ZGPAT: variants seen among roughly 807,000 people sequenced by gnomAD.
ZGPAT encodes the protein zinc finger CCCH-type with G patch domain-containing protein.
ZGPAT carries 39 observed loss-of-function variants against 47.9 expected under a neutral mutation model. The ratio of observed to expected loss-of-function variants is 0.81; its 90% CI spans 0.63 to 1.06. The LOEUF is 1.06. Among genes scored for constraint, ZGPAT ranks in the 50% least tolerant of loss-of-function variants. The probability of loss-of-function intolerance (pLI) is 0.00; values close to 1 mark genes in which losing one functional copy is unlikely to be tolerated. For missense variants in ZGPAT, 717 were observed against 681.4 expected (o/e 1.05, Z -0.58); for synonymous variants, 348 against 292.9 (o/e 1.19, Z -1.92).
intron 2 of ZGPAT, among the ~76,000 whole-genome samples, chr20:63,717,636 G>A (rs1045569483): frequency 1.3e-5 from 2 of 152,128 alleles, no homozygotes; most frequent in African/African-American, 2.4e-5. Context: ...GCAGCGATGC[G>A]ATCATAGCTC....
At chr20:63,713,529 C>A (rs569525267) in intron 2 of ZGPAT, among the ~76,000 whole-genome samples, 2 of 150,948 alleles carry the variant, frequency 1.3e-5, no homozygotes, top group Non-Finnish European at 3.0e-5. Context: ...CTGTGCCCGG[C>A]TGGAGTTGTT....
At position 63,734,544 on chromosome 20, in the gene ZGPAT, C is replaced by G. The variant is rs1336920600; in HGVS notation, c.872-161C>G. ...GCACGGAGCCCAAGAGGTGGGGTGT[C>G]GTGGCTCTGCCCAGGATCTGAGCTC... On this transcript the variant is annotated intron_variant, in intron 4 of 6. Coordinates refer to ENST00000355969, the MANE Select transcript of ZGPAT (RefSeq NM_181485.3). 2.9e-6 allele frequency: 4 copies of G among 1,400,532 alleles called. No individual in the cohort carries two copies. The African/African-American group carries it at 5.8e-5, about 20-fold the overall frequency. The allele number at this position is 1,400,532 out of a possible 1,614,324, so 86.8% of individuals were successfully genotyped here.
At chr20:63,712,821 G>A (rs886479263) in intron 2 of ZGPAT, among the ~76,000 whole-genome samples, 2 of 152,012 alleles carry the variant, frequency 1.3e-5, no homozygotes, top group Admixed American at 1.3e-4. Context: ...GCTTGAACCT[G>A]GGAGGAGGAG....
At chr20:63,725,071 G>A (rs1486212334) in intron 2 of ZGPAT, among the ~76,000 whole-genome samples, 3 of 147,356 alleles carry the variant, frequency 2.0e-5, no homozygotes, top group Non-Finnish European at 3.0e-5. Flanking sequence ...TGCGAGCTCC[G>A]CCTCCCGGGT....
At position 63,734,793 on chromosome 20, in the gene ZGPAT, CCT is replaced by C. The variant is rs1220833329; in HGVS notation, c.962_963del (p.Leu321HisfsTer6). Reference sequence around the variant, plus strand: ...ACACGCGAGGTATAGGCTCCAGACTCCTCACCAAGATGGGCTATGAGTTTGGC... The same window carrying C: ...ACACGCGAGGTATAGGCTCCAGACTCCACCAAGATGGGCTATGAGTTTGGC... ...VHTRGIGSRLLTKMGYEFGKG... is the reference protein window; with the variant it reads ...VHTRGIGSRLXTKMGYEFGKG... On this transcript the variant is annotated frameshift_variant, in exon 5 of 7. Transcript: ENST00000355969. LOFTEE classifies it high-confidence loss of function. 1 of 1,608,216 alleles carries C rather than the reference CCT, an allele frequency of 6.2e-7. No individual in the cohort carries two copies. The highest frequency in any genetic ancestry group is 8.5e-7 in the Non-Finnish European group (1 of 1,177,140).
chr20:63,724,829 A>G (rs1332757452), intron 2 of ZGPAT, among the ~76,000 whole-genome samples: 2 of 150,632 alleles, frequency 1.3e-5, no homozygotes, highest in African/African-American at 4.9e-5. Context: ...ACCTGCCACC[A>G]CCCCCAGCCA....
At chr20:63,721,383 T>A (rs1448750657) in intron 2 of ZGPAT, among the ~76,000 whole-genome samples, 17 of 146,456 alleles carry the variant, frequency 1.2e-4, no homozygotes, top group African/African-American at 3.8e-4. Context: ...GGATAAAGAG[T>A]GTCTTCCATC....
chr20:63,716,548 G>A, intron 2 of ZGPAT, among the ~76,000 whole-genome samples: 1 of 145,956 alleles, frequency 6.9e-6, no homozygotes, highest in African/African-American at 2.5e-5. Flanking sequence ...GAGTCTCACT[G>A]TGTCACCCAG....
intron 2 of ZGPAT, among the ~76,000 whole-genome samples, chr20:63,724,475 A>G (rs2091823101): frequency 6.6e-6 from 1 of 152,026 alleles, no homozygotes. Context: ...TGAGGCCAGG[A>G]GTTCAACACC....
In ZGPAT at chr20:63,734,509, G is replaced by A. The variant is rs6089969; in HGVS notation, c.872-196G>A. 28 of 1,064,812 alleles carry A rather than the reference G, an allele frequency of 2.6e-5. No individual in the cohort carries two copies. The African/African-American group carries it at 3.6e-4, about 14-fold the overall frequency. 66.0% of individuals were successfully genotyped at this position (1,064,812 alleles called of 1,614,324 possible). On this transcript the variant is annotated intron_variant, in intron 4 of 6. Transcript: ENST00000355969. ...GGTGTCACATGCCCACAGCAGCCTCGGTGACGAGAGCACGGAGCCCAAGAG... is the reference window on the plus strand; with the variant it reads ...GGTGTCACATGCCCACAGCAGCCTCAGTGACGAGAGCACGGAGCCCAAGAG...
At chr20:63,712,493 T>C (rs2315007) in intron 2 of ZGPAT, among the ~76,000 whole-genome samples, 105,327 of 152,156 alleles carry the variant, frequency 0.69, 36,844 homozygotes, top group Middle Eastern at 0.74. Flanking sequence ...CAATTTCATA[T>C]GAATTTTAGG....
At chr20:63,715,202 G>T (rs2091713886) in intron 2 of ZGPAT, among the ~76,000 whole-genome samples, 1 of 151,554 alleles carries the variant, frequency 6.6e-6, no homozygotes, top group South Asian at 2.1e-4. Context: ...AAAGCGCTGG[G>T]ATTATAGGCA....
intron 2 of ZGPAT, among the ~76,000 whole-genome samples, chr20:63,711,040 T>G (rs1437226336): frequency 6.6e-6 from 1 of 151,904 alleles, no homozygotes; most frequent in Non-Finnish European, 1.5e-5. Context: ...TTTTTTTTTT[T>G]TTTTGAAACA....
At position 63,709,028 on chromosome 20, in the gene ZGPAT, G is replaced by A; in HGVS notation, c.448G>A (p.Ala150Thr). ...CTGGGGCACTCTGGAGTATCACAAC[G>A]CCATGGTGGTGGGAACGGAAGAGGC... ...SSWGTLEYHN[A>T]MVVGTEEAED... The change falls in exon 2 of 7, where the codon GCC (alanine) becomes ACC (threonine). Residue 150 changes from alanine (A) to threonine (T), a missense_variant. Coordinates refer to ENST00000355969, the MANE Select transcript of ZGPAT (RefSeq NM_181485.3). 2 of 1,613,734 alleles carry A rather than the reference G, an allele frequency of 1.2e-6. No homozygotes were observed. Among genetic ancestry groups the A allele is most frequent in the Non-Finnish European group, 1.7e-6 (2 of 1,180,012 alleles).
intron 2 of ZGPAT, among the ~76,000 whole-genome samples, chr20:63,722,584 T>A (rs949023424): frequency 2.6e-5 from 4 of 152,162 alleles, no homozygotes; most frequent in African/African-American, 9.7e-5. Context: ...ACAATGTACA[T>A]CTTTAACTTA....
intron 2 of ZGPAT, among the ~76,000 whole-genome samples, chr20:63,717,840 C>T (rs949666771): frequency 6.6e-6 from 1 of 152,110 alleles, no homozygotes; most frequent in African/African-American, 2.4e-5. Flanking sequence ...GTCAGGAGTT[C>T]GAGACCAGCC....
At chr20:63,730,195 C>G (rs1226953574) in intron 2 of ZGPAT, 1 of 152,218 alleles carries the variant, frequency 6.6e-6, no homozygotes, top group South Asian at 2.1e-4. Flanking sequence ...GTTTAACCCT[C>G]TCTTTTTGAA....
In ZGPAT at chr20:63,735,417, C is replaced by T. The variant is rs746868722; in HGVS notation, c.1250C>T (p.Ala417Val). The T allele has an allele frequency of 6.4e-6, 10 of 1,568,726 alleles. No homozygotes were observed. Among genetic ancestry groups the T allele is most frequent in the South Asian group, 3.6e-5 (3 of 84,032 alleles). The change falls in exon 6 of 7, where the codon GCG becomes GTG. Residue 417 changes from alanine to valine, a missense_variant. Physicochemically the swap from Ala to Val is moderately conservative, Grantham distance 64. Transcript: ENST00000355969. Reference protein sequence around the residue: ...PGALEAGAAPAGRRSKDMYHA... With the variant: ...PGALEAGAAPVGRRSKDMYHA... ...GCCCTAGAAGCCGGGGCGGCCCCAGCGGGGAGGAGGAGCAAGGACATGTAC... is the reference window on the plus strand; with the variant it reads ...GCCCTAGAAGCCGGGGCGGCCCCAGTGGGGAGGAGGAGCAAGGACATGTAC...
At chr20:63,715,856 A>G (rs1013369929) in intron 2 of ZGPAT, among the ~76,000 whole-genome samples, 1 of 151,960 alleles carries the variant, frequency 6.6e-6, no homozygotes, top group African/African-American at 2.4e-5. Flanking sequence ...AGAGAGAGAG[A>G]GATGGACTTT....
Sources: allele counts gnomAD v4.1 joint callset (sites outside exome capture counted in the v4.1 genomes callset), GRCh38; gene constraint gnomAD v4.1.1; transcripts MANE v1.5; gene names NCBI Gene and HGNC (gene_info 2026-07-23, HGNC 2026-07-21).